The following METTL15 variants were observed in gnomAD, a reference collection of about 807,000 sequenced individuals.
The protein encoded by METTL15 is 12S rRNA N(4)-cytidine methyltransferase METTL15.
A neutral mutation model predicts 38.3 loss-of-function variants in METTL15; 34 were observed. That is an observed-to-expected ratio of 0.89 (90% confidence interval 0.68 to 1.18). METTL15 has a LOEUF of 1.18. Ranked by LOEUF, METTL15 falls within the 50% of genes most tolerant of loss-of-function variation. The pLI, the probability that METTL15 is intolerant of heterozygous loss-of-function variation, is 0.00. For synonymous variants in METTL15, 162 were observed against 170.9 expected, an observed-to-expected ratio of 0.95 and a Z score of 0.41; for missense variants, 438 against 498.4, an observed-to-expected ratio of 0.88 and a Z score of 1.15.
At chr11:28,325,907 T>A (rs1274761542) in intron 6 of METTL15, among the ~76,000 whole-genome samples, 3 of 152,238 alleles carry the variant, frequency 2.0e-5, no homozygotes, top group Non-Finnish European at 2.9e-5. Context: ...TGATAAGTGC[T>A]ATACTAGGGG....
intron 5 of METTL15, among the ~76,000 whole-genome samples, chr11:28,371,127 C>G (rs1850239139): frequency 6.6e-6 from 1 of 152,004 alleles, no homozygotes; most frequent in African/African-American, 2.4e-5. Context: ...TTTGCTCAGA[C>G]CAATGTTTTG....
chr11:28,394,968 C>T (rs1266535149), intron 5 of METTL15, among the ~76,000 whole-genome samples: 8 of 152,020 alleles, frequency 5.3e-5, no homozygotes, highest in Admixed American at 5.3e-4. Context: ...CTGATTTCTC[C>T]CTACTATACA....
intron 6 of METTL15, among the ~76,000 whole-genome samples, chr11:28,484,767 G>A (rs1851424518): frequency 6.6e-6 from 1 of 152,142 alleles, no homozygotes; most frequent in African/African-American, 2.4e-5. Context: ...TTTGAGTAGA[G>A]CTGTGGGAGA....
chr11:28,247,573 A>C (rs1565199739), intron 4 of METTL15, among the ~76,000 whole-genome samples: 1 of 152,156 alleles, frequency 6.6e-6, no homozygotes. Flanking sequence ...AATTTGACCC[A>C]AAAATGAAGC....
intron 2 of METTL15, among the ~76,000 whole-genome samples, chr11:28,111,062 AC>A (rs960162084): frequency 6.6e-6 from 1 of 152,004 alleles, no homozygotes; most frequent in Non-Finnish European, 1.5e-5. Flanking sequence ...AGCATGCCAC[AC>A]CCCCAGCTTC....
At chr11:28,129,847 G>C (rs989473858) in intron 3 of METTL15, among the ~76,000 whole-genome samples, 58 of 152,268 alleles carry the variant, frequency 3.8e-4, no homozygotes, top group African/African-American at 1.2e-3. Context: ...AATAAGTGTG[G>C]AGGGGATAAA....
At chr11:28,347,730 C>T (rs1215097304) in intron 3 of METTL15, among the ~76,000 whole-genome samples, 2 of 152,196 alleles carry the variant, frequency 1.3e-5, no homozygotes, top group Non-Finnish European at 2.9e-5. Context: ...CTATAGTACC[C>T]GGAATTCCAC....
chr11:28,346,543 A>C (rs993958318), intron 3 of METTL15, among the ~76,000 whole-genome samples: 20 of 152,196 alleles, frequency 1.3e-4, no homozygotes, highest in African/African-American at 4.8e-4. Context: ...GGGGTTTAGA[A>C]AATTTGTAAT....
intron 6 of METTL15, among the ~76,000 whole-genome samples, chr11:28,449,479 A>C (rs1376011938): frequency 6.6e-6 from 1 of 152,184 alleles, no homozygotes; most frequent in East Asian, 1.9e-4. Context: ...TCCATGAGGA[A>C]AGTCTGATTG....
Position 28,296,801 on chromosome 11 carries a change from A to C in METTL15, c.648A>C (p.Gln216His). The C allele has an allele frequency of 6.2e-6, 10 of 1,613,472 alleles. No individual in the cohort carries two copies. The highest frequency in any genetic ancestry group is 8.5e-6 in the Non-Finnish European group (10 of 1,179,648). Residue 216 changes from glutamine (Q) to histidine (H), a missense_variant, in exon 6 of 7, where the codon CAA becomes CAC. Coordinates refer to ENST00000407364, the MANE Select transcript of METTL15 (RefSeq NM_001113528.2). ...CTGATGTTGTGAATGCTTTAGATCAACAGGCACTTGCATCTATCCTAAGAA... is the reference window on the plus strand; with the variant it reads ...CTGATGTTGTGAATGCTTTAGATCACCAGGCACTTGCATCTATCCTAAGAA... ...TAADVVNALDQQALASILRTY... is the reference protein window; with the variant it reads ...TAADVVNALDHQALASILRTY...
intron 4 of METTL15, among the ~76,000 whole-genome samples, chr11:28,222,451 C>T (rs1030630594): frequency 6.6e-6 from 1 of 152,228 alleles, no homozygotes; most frequent in Non-Finnish European, 1.5e-5. Flanking sequence ...TGCCGTCTGT[C>T]ACCCTTTTCA....
chr11:28,133,472 A>G (rs1371585776), intron 3 of METTL15, among the ~76,000 whole-genome samples: 1 of 152,236 alleles, frequency 6.6e-6, no homozygotes. Context: ...TCCATTGATT[A>G]TCACTGCCTA....
At chr11:28,308,018 T>G (rs953868861) in intron 6 of METTL15, among the ~76,000 whole-genome samples, 1 of 152,038 alleles carries the variant, frequency 6.6e-6, no homozygotes, top group Non-Finnish European at 1.5e-5. Context: ...TCTAACTGTA[T>G]TTTTGTTTTG....
intron 4 of METTL15, among the ~76,000 whole-genome samples, chr11:28,237,638 C>T (rs916828210): frequency 2.0e-5 from 3 of 152,224 alleles, no homozygotes; most frequent in African/African-American, 7.2e-5. Context: ...TGTTCCGTTG[C>T]TGGTGAGGAA....
chr11:28,512,072 G>A (rs768483449), intron 6 of METTL15, among the ~76,000 whole-genome samples: 4 of 151,728 alleles, frequency 2.6e-5, no homozygotes, highest in Non-Finnish European at 4.4e-5. Context: ...TGATTGGTGC[G>A]TTTACAATCC....
chr11:28,190,117 T>C (rs1851646951), intron 3 of METTL15, among the ~76,000 whole-genome samples: 1 of 151,244 alleles, frequency 6.6e-6, no homozygotes, highest in Non-Finnish European at 1.5e-5. Context: ...TGCTGTTTAT[T>C]AGTAATGGTT....
At chr11:28,131,472 T>C (rs1462065573) in intron 3 of METTL15, among the ~76,000 whole-genome samples, 1 of 151,716 alleles carries the variant, frequency 6.6e-6, no homozygotes, top group African/African-American at 2.4e-5. Context: ...AAATTAGCAT[T>C]TTTCTTCCTT....
rs878913369 is a variant in METTL15, at chr11:28,310,878, A to ATGCTGCTGCTGCTGC, written c.778+13971_778+13985dup. Among the ~76,000 whole-genome samples the ATGCTGCTGCTGCTGC allele has an allele frequency of 3.6e-3, 235 of 64,724 alleles. 14 individuals are homozygous for ATGCTGCTGCTGCTGC. The highest frequency in any genetic ancestry group is 6.8e-3 in the Middle Eastern group (1 of 146). The allele number at this position is 64,724 out of a possible 152,430, so 42.5% of individuals were successfully genotyped here. A position where few individuals can be genotyped will look rare whatever the true frequency, so the allele number is the denominator to read the frequency against. Reference sequence around the variant, plus strand: ...TTTTCATCTTTAAGACCTAGCTTAAATGCTGCTGCTGCTGCTGCTGCTGCT... The same window carrying ATGCTGCTGCTGCTGC: ...TTTTCATCTTTAAGACCTAGCTTAAATGCTGCTGCTGCTGCTGCTGCTGCTGCTGCTGCTGCTGCT... On this transcript the variant is annotated intron_variant, in intron 6 of 6. Coordinates refer to ENST00000407364, the MANE Select transcript of METTL15 (RefSeq NM_001113528.2).
intron 6 of METTL15, among the ~76,000 whole-genome samples, chr11:28,448,133 T>C (rs2133445259): frequency 6.6e-6 from 1 of 152,278 alleles, no homozygotes; most frequent in African/African-American, 2.4e-5. Flanking sequence ...AGAGTAGGGT[T>C]TCTGCATGGG....
Sources: gnomAD v4.1 joint callset for allele counts (sites outside exome capture counted in the v4.1 genomes callset) on GRCh38, gnomAD v4.1.1 for gene constraint, MANE v1.5 for transcripts, NCBI Gene and HGNC (gene_info 2026-07-23, HGNC 2026-07-21) for gene names.